Variants in CERS3 observed in about 807,000 individuals in gnomAD.
CERS3 encodes the protein ceramide synthase 3, also known as LAG1 homolog, ceramide synthase 3.
CERS3 carries 33 observed loss-of-function variants against 50.3 expected under a neutral mutation model. That is an observed-to-expected ratio of 0.66 (90% CI 0.50 to 0.88). CERS3 has a LOEUF of 0.88. Among genes scored for constraint, CERS3 ranks in the 40% least tolerant of loss-of-function variants. The probability of loss-of-function intolerance (pLI) is 0.00; values close to 1 mark genes in which losing one functional copy is unlikely to be tolerated. For synonymous variants in CERS3, 176 were observed against 155.2 expected (o/e 1.13, Z -0.99); for missense variants, 470 against 460.3 (o/e 1.02, Z -0.19).
intron 1 of CERS3, among the ~76,000 whole-genome samples, chr15:100,536,631 T>C (rs1221059262): frequency 6.6e-6 from 1 of 152,120 alleles, no homozygotes; most frequent in Admixed American, 6.6e-5. Context: ...TAATATGAAA[T>C]TAGGAAATGG....
intron 11 of CERS3, among the ~76,000 whole-genome samples, chr15:100,450,847 TAAC>T (rs749776803): frequency 6.6e-6 from 1 of 151,756 alleles, no homozygotes; most frequent in South Asian, 2.1e-4. Context: ...ATCATCGGAC[TAAC>T]AACAGAAACC....
intron 1 of CERS3, among the ~76,000 whole-genome samples, chr15:100,523,313 ACT>A (rs1276977195): frequency 2.6e-5 from 4 of 151,744 alleles, no homozygotes; most frequent in Non-Finnish European, 5.9e-5. Context: ...TTTGTCTTTT[ACT>A]CTTTTAGTGG....
At chr15:100,486,155 G>A (rs775212985) in intron 4 of CERS3, among the ~76,000 whole-genome samples, 1 of 152,216 alleles carries the variant, frequency 6.6e-6, no homozygotes, top group Non-Finnish European at 1.5e-5. Flanking sequence ...TAAACCAATT[G>A]TGGATGAGTA....
intron 9 of CERS3, 41 bp downstream of exon 9, chr15:100,472,883 G>A (rs778558573): frequency 2.4e-5 from 38 of 1,612,628 alleles, no homozygotes; most frequent in Non-Finnish European, 3.2e-5. Flanking sequence ...GGAAACCCAG[G>A]ACATGGTATT....
Position 100,412,725 on chromosome 15 carries a change from C to T in CERS3, c.1000-9860G>A, listed in dbSNP as rs116057061. ...TTGCTTTTTATACTCTCCCAACTAA[C>T]CAGTGTAAAATAGAATATGTTCTAT... On this transcript the variant is annotated intron_variant, in intron 11 of 11. Transcript: ENST00000679737. Among the ~76,000 whole-genome samples the T allele has an allele frequency of 5.2e-3, 795 of 152,246 alleles. 7 individuals are homozygous for T. Among genetic ancestry groups the T allele is most frequent in the African/African-American group, 0.018 (763 of 41,550 alleles).
intron 3 of CERS3, among the ~76,000 whole-genome samples, chr15:100,493,669 T>C (rs2035717269): frequency 6.6e-6 from 1 of 152,162 alleles, no homozygotes; most frequent in African/African-American, 2.4e-5. Flanking sequence ...TATGTGTATG[T>C]TGGTATTCAA....
chr15:100,485,280 T>C (rs1308479159), intron 4 of CERS3, among the ~76,000 whole-genome samples: 2 of 152,152 alleles, frequency 1.3e-5, no homozygotes, highest in African/African-American at 4.8e-5. Flanking sequence ...ATAACAAAAA[T>C]AACAATTGCA....
chr15:100,438,692 A>T (rs542930833), intron 11 of CERS3, among the ~76,000 whole-genome samples: 11 of 152,220 alleles, frequency 7.2e-5, no homozygotes, highest in Non-Finnish European at 1.5e-4. Context: ...GTGTCATTCT[A>T]TGAACTGAAG....
At chr15:100,434,931 CAG>C (rs60446060) in intron 11 of CERS3, among the ~76,000 whole-genome samples, 44,804 of 151,984 alleles carry the variant, frequency 0.29, 6,726 homozygotes, top group East Asian at 0.41. Flanking sequence ...CAAGGGATGT[CAG>C]AGTTTCTTGT....
intron 1 of CERS3, among the ~76,000 whole-genome samples, chr15:100,543,017 G>A (rs765321121): frequency 4.6e-5 from 7 of 152,206 alleles, no homozygotes; most frequent in Admixed American, 3.9e-4. Context: ...GGGCTAAAGT[G>A]ATTCTCCTGC....
At chr15:100,542,803 A>G (rs8031024) in intron 1 of CERS3, among the ~76,000 whole-genome samples, 76,010 of 151,776 alleles carry the variant, frequency 0.5, 19,331 homozygotes, top group South Asian at 0.6. Flanking sequence ...GTATGAACAT[A>G]TACATATATA....
chr15:100,484,007 T>A (rs2035410309), intron 5 of CERS3, among the ~76,000 whole-genome samples: 1 of 151,648 alleles, frequency 6.6e-6, no homozygotes, highest in Admixed American at 6.6e-5. Context: ...TGACCACCTC[T>A]ACTAAAAATC....
intron 2 of CERS3, among the ~76,000 whole-genome samples, chr15:100,505,874 G>C (rs1219763421): frequency 1.3e-5 from 2 of 152,176 alleles, no homozygotes; most frequent in Non-Finnish European, 2.9e-5. Context: ...TAGGCATGGG[G>C]CATGGTGGCA....
intron 11 of CERS3, among the ~76,000 whole-genome samples, chr15:100,450,416 C>CAAAAAAAAAAA (rs34873483): frequency 7.9e-5 from 5 of 63,466 alleles, no homozygotes; most frequent in Admixed American, 2.2e-4. Context: ...GACTCTGTCT[C>CAAAAAAAAAAA]AAAAAAAAAA....
intron 11 of CERS3, among the ~76,000 whole-genome samples, chr15:100,453,105 C>A (rs1387032150): frequency 4.0e-5 from 6 of 149,216 alleles, no homozygotes; most frequent in South Asian, 4.2e-4. Flanking sequence ...TTAAACTATT[C>A]AAAAAAAAAA....
At chr15:100,538,647 C>A (rs758173795) in intron 1 of CERS3, among the ~76,000 whole-genome samples, 1 of 152,182 alleles carries the variant, frequency 6.6e-6, no homozygotes, top group Non-Finnish European at 1.5e-5. Flanking sequence ...AGGCCCTGGG[C>A]CGAGCCCACA....
At chr15:100,507,616 A>T (rs533297107) in intron 2 of CERS3, among the ~76,000 whole-genome samples, 1 of 152,260 alleles carries the variant, frequency 6.6e-6, no homozygotes, top group Non-Finnish European at 1.5e-5. Flanking sequence ...ACATGCCACC[A>T]GCTCAGCATC....
At chr15:100,462,141 G>A (rs1985139) in intron 10 of CERS3, among the ~76,000 whole-genome samples, 122,615 of 152,124 alleles carry the variant, frequency 0.81, 50,256 homozygotes, top group Non-Finnish European at 0.89. Flanking sequence ...AAAGAATGCC[G>A]AAAGACTGCT....
chr15:100,432,098 G>C (rs1216689872), intron 11 of CERS3, among the ~76,000 whole-genome samples: 1 of 150,540 alleles, frequency 6.6e-6, no homozygotes, highest in Non-Finnish European at 1.5e-5. Context: ...ACAGGGTCTT[G>C]TTCCGTTTCC....
Sources: allele counts gnomAD v4.1 joint callset (sites outside exome capture counted in the v4.1 genomes callset), GRCh38; gene constraint gnomAD v4.1.1; transcripts MANE v1.5; gene names NCBI Gene and HGNC (gene_info 2026-07-23, HGNC 2026-07-21).